Variants in ASTN2 observed in about 807,000 individuals in gnomAD.
ASTN2 encodes the protein astrotactin-2.
Under a neutral mutation model 139.8 loss-of-function variants are expected in ASTN2, and 54 were observed. That is an observed-to-expected ratio of 0.39 (90% CI 0.31 to 0.48). ASTN2 has a LOEUF of 0.48. Ranked by LOEUF, ASTN2 falls within the 20% of genes least tolerant of loss-of-function variation. ASTN2 has a pLI of 0.95. For synonymous variants in ASTN2, 756 were observed against 719.5 expected (o/e 1.05, Z -0.81); for missense variants, 1,565 against 1,725.1 (o/e 0.91, Z 1.64).
At chr9:117,077,072 G>A (rs531476309) in intron 5 of ASTN2, among the ~76,000 whole-genome samples, 16 of 152,242 alleles carry the variant, frequency 1.1e-4, no homozygotes, top group African/African-American at 3.1e-4. Flanking sequence ...GTAACGAGCC[G>A]TTTGTTACCA....
In ASTN2 at chr9:117,361,450, C is replaced by T. The variant is rs538924796; in HGVS notation, c.442+53047G>A. Reference sequence around the variant, plus strand: ...CATTGTCTCATAGACTCAGTTTCCCCAGCTGTAAAGTAAAGATACCATCAC... The same window carrying T: ...CATTGTCTCATAGACTCAGTTTCCCTAGCTGTAAAGTAAAGATACCATCAC... On this transcript the variant is annotated intron_variant, in intron 1 of 22. Transcript: ENST00000313400. 2.0e-5 allele frequency among the ~76,000 whole-genome samples: 3 copies of T among 152,198 alleles called. No homozygotes were observed. The South Asian group carries it at 6.2e-4, about 32-fold the overall frequency.
At chr9:116,884,673 A>G (rs1438671912) in intron 10 of ASTN2, among the ~76,000 whole-genome samples, 1 of 151,788 alleles carries the variant, frequency 6.6e-6, no homozygotes, top group Non-Finnish European at 1.5e-5. Context: ...CTCCATCTCA[A>G]ACAAAACCTC....
At chr9:117,105,525 C>A (rs1013006569) in intron 4 of ASTN2, among the ~76,000 whole-genome samples, 2 of 152,184 alleles carry the variant, frequency 1.3e-5, no homozygotes, top group Non-Finnish European at 2.9e-5. Flanking sequence ...CCTTGTGGAA[C>A]TGAGATAATT....
At chr9:116,490,702 T>C (rs1264157625) in intron 19 of ASTN2, among the ~76,000 whole-genome samples, 1 of 152,128 alleles carries the variant, frequency 6.6e-6, no homozygotes, top group Non-Finnish European at 1.5e-5. Flanking sequence ...TAGCCCCTTA[T>C]AAAATCATCA....
At chr9:116,765,304 C>G (rs1010225074) in intron 13 of ASTN2, among the ~76,000 whole-genome samples, 1 of 152,148 alleles carries the variant, frequency 6.6e-6, no homozygotes, top group African/African-American at 2.4e-5. Context: ...GCCCCAGAGT[C>G]GGGCTAGGCA....
At chr9:117,101,829 A>T (rs1174339992) in intron 4 of ASTN2, among the ~76,000 whole-genome samples, 1 of 152,208 alleles carries the variant, frequency 6.6e-6, no homozygotes, top group Non-Finnish European at 1.5e-5. Context: ...GAAACCATAG[A>T]TATCACATCA....
chr9:116,802,593 C>T (rs1830892769), intron 13 of ASTN2, among the ~76,000 whole-genome samples: 1 of 152,208 alleles, frequency 6.6e-6, no homozygotes. Flanking sequence ...TTCTTTTGGA[C>T]CAAGCTATCC....
At chr9:117,410,895 A>G (rs1831139885) in intron 1 of ASTN2, among the ~76,000 whole-genome samples, 1 of 152,186 alleles carries the variant, frequency 6.6e-6, no homozygotes, top group South Asian at 2.1e-4. Context: ...TTCAGTTTCA[A>G]ACTTACATAG....
chr9:117,080,157 GA>G lies in ASTN2; in HGVS notation c.1276+15886del, dbSNP rs1338313216. Among the ~76,000 whole-genome samples the G allele has an allele frequency of 3.3e-5, 5 of 152,300 alleles. No individual in the cohort carries two copies. The South Asian group carries it at 1.0e-3, about 32-fold the overall frequency. On this transcript the variant is annotated intron_variant, in intron 5 of 22. Coordinates refer to ENST00000313400, the MANE Select transcript of ASTN2 (RefSeq NM_001365068.1). ...ACAGGCAGAGTATAAATAATAAACAGAAGGGTAAATACATGCATAATATATA... is the reference window on the plus strand; with the variant it reads ...ACAGGCAGAGTATAAATAATAAACAGAGGGTAAATACATGCATAATATATA...
At chr9:116,613,396 T>C (rs1394761098) in intron 19 of ASTN2, 1 of 152,184 alleles carries the variant, frequency 6.6e-6, no homozygotes, top group East Asian at 1.9e-4. Flanking sequence ...ATCATCCTGA[T>C]ACCAAAGCCT....
intron 19 of ASTN2, among the ~76,000 whole-genome samples, chr9:116,571,187 T>C (rs1210939056): frequency 6.6e-6 from 1 of 152,148 alleles, no homozygotes; most frequent in East Asian, 1.9e-4. Context: ...ACGCTGGTGG[T>C]TTCCTCTCCC....
chr9:116,684,386 A>G (rs1860071252), intron 16 of ASTN2, among the ~76,000 whole-genome samples: 1 of 152,160 alleles, frequency 6.6e-6, no homozygotes, highest in Admixed American at 6.5e-5. Context: ...TCAAGAGGAA[A>G]CCTATTGTTA....
intron 5 of ASTN2, among the ~76,000 whole-genome samples, chr9:117,067,579 T>A (rs1827990154): frequency 6.9e-6 from 1 of 145,254 alleles, no homozygotes; most frequent in African/African-American, 2.5e-5. Flanking sequence ...TGGCATTGAA[T>A]CTGTAAATTA....
chr9:116,986,996 G>T (rs899507625), intron 7 of ASTN2, among the ~76,000 whole-genome samples: 3 of 152,172 alleles, frequency 2.0e-5, no homozygotes, highest in Non-Finnish European at 4.4e-5. Flanking sequence ...TGGTTCTGCA[G>T]GTATGAAGAA....
chr9:116,532,274 T>G (rs1165985298), intron 19 of ASTN2, among the ~76,000 whole-genome samples: 1 of 152,232 alleles, frequency 6.6e-6, no homozygotes, highest in African/African-American at 2.4e-5. Flanking sequence ...CTTTGTCAGA[T>G]GAGTAGATTG....
At chr9:116,841,167 G>A (rs772968114) in intron 11 of ASTN2, among the ~76,000 whole-genome samples, 1 of 152,240 alleles carries the variant, frequency 6.6e-6, no homozygotes, top group African/African-American at 2.4e-5. Flanking sequence ...TCGCGGTTAG[G>A]AGCTGGAGAC....
At chr9:116,804,558 A>T (rs1178157360) in intron 13 of ASTN2, among the ~76,000 whole-genome samples, 1 of 152,200 alleles carries the variant, frequency 6.6e-6, no homozygotes, top group Non-Finnish European at 1.5e-5. Flanking sequence ...CCTTTCGTGT[A>T]TGCTGAATTA....
At chr9:117,273,859 G>A (rs925715524) in intron 2 of ASTN2, among the ~76,000 whole-genome samples, 7 of 152,140 alleles carry the variant, frequency 4.6e-5, no homozygotes, top group Admixed American at 3.3e-4. Context: ...CAAACCAATT[G>A]ACCTCCTGGT....
intron 4 of ASTN2, among the ~76,000 whole-genome samples, chr9:117,097,189 G>A (rs1343626433): frequency 1.3e-5 from 2 of 152,190 alleles, no homozygotes; most frequent in East Asian, 1.9e-4. Flanking sequence ...GGGAGGAGGA[G>A]ATGAGTGCAA....
Sources: gnomAD v4.1 joint callset for allele counts (sites outside exome capture counted in the v4.1 genomes callset) on GRCh38, gnomAD v4.1.1 for gene constraint, MANE v1.5 for transcripts, NCBI Gene and HGNC (gene_info 2026-07-23, HGNC 2026-07-21) for gene names.